CSMD3: variants seen among roughly 807,000 people sequenced by gnomAD.
The protein encoded by CSMD3 is CUB and sushi domain-containing protein 3.
CSMD3 carries 177 observed loss-of-function variants against 435.2 expected under a neutral mutation model. That is an observed-to-expected ratio of 0.41 (90% CI 0.36 to 0.46). The LOEUF is 0.46. Ranked by LOEUF, CSMD3 falls within the 20% of genes least tolerant of loss-of-function variation. The probability of loss-of-function intolerance (pLI) is 0.34; values close to 1 mark genes in which losing one functional copy is unlikely to be tolerated. For missense variants in CSMD3, 4,265 were observed against 4,504.6 expected, an observed-to-expected ratio of 0.95 and a Z score of 1.52; for synonymous variants, 1,656 against 1,520.5, an observed-to-expected ratio of 1.09 and a Z score of -2.07.
chr8:112,238,707 T>G (rs1281956014), intron 66 of CSMD3, among the ~76,000 whole-genome samples: 1 of 151,742 alleles, frequency 6.6e-6, no homozygotes, highest in Admixed American at 6.6e-5. Flanking sequence ...AAATTATAAA[T>G]TTTTAAATTT....
intron 9 of CSMD3, among the ~76,000 whole-genome samples, chr8:112,935,326 T>A (rs1318835920): frequency 1.3e-5 from 2 of 152,166 alleles, no homozygotes; most frequent in African/African-American, 4.8e-5. Flanking sequence ...AGTCAGACTG[T>A]ATGATAGTTC....
intron 2 of CSMD3, among the ~76,000 whole-genome samples, chr8:113,291,852 A>G (rs769739359): frequency 6.6e-6 from 1 of 151,966 alleles, no homozygotes; most frequent in Non-Finnish European, 1.5e-5. Flanking sequence ...ACAAATGTCA[A>G]TGAGTATTTT....
chr8:112,630,097 T>G (rs2074472302), intron 22 of CSMD3, among the ~76,000 whole-genome samples: 1 of 152,230 alleles, frequency 6.6e-6, no homozygotes, highest in African/African-American at 2.4e-5. Context: ...AGGTGAGAAC[T>G]CAGCCCTGGT....
intron 3 of CSMD3, among the ~76,000 whole-genome samples, chr8:113,230,222 T>G (rs959660695): frequency 2.0e-5 from 3 of 151,720 alleles, no homozygotes; most frequent in Admixed American, 6.6e-5. Flanking sequence ...AATTGCCTTA[T>G]GCAGGTGCTG....
intron 28 of CSMD3, among the ~76,000 whole-genome samples, chr8:112,508,764 G>T (rs1413106984): frequency 1.3e-5 from 2 of 152,044 alleles, no homozygotes; most frequent in Non-Finnish European, 2.9e-5. Flanking sequence ...AATCCTGTCT[G>T]AATCAAAGTC....
chr8:112,934,092 G>T (rs572570480), intron 9 of CSMD3, among the ~76,000 whole-genome samples: 55 of 152,194 alleles, frequency 3.6e-4, no homozygotes, highest in African/African-American at 1.3e-3. Context: ...CTGAGTACAT[G>T]AGTGGAAGGA....
chr8:112,679,089 T>TG lies in CSMD3; in HGVS notation c.2677+3352_2677+3353insC, dbSNP rs199551142. On this transcript the variant is annotated intron_variant, in intron 16 of 70. Coordinates refer to ENST00000297405, the MANE Select transcript of CSMD3 (RefSeq NM_198123.2). ...AATGGTGGGGGGATGGGGCAGGTTTTTTTTTTTTTTTTTTTAAATTAGGAA... is the reference window on the plus strand; with the variant it reads ...AATGGTGGGGGGATGGGGCAGGTTTTGTTTTTTTTTTTTTTTAAATTAGGAA... Among the ~76,000 whole-genome samples, 656 of 70,170 alleles carry TG rather than the reference T, an allele frequency of 9.3e-3. 3 individuals are homozygous for TG. Among genetic ancestry groups the TG allele is most frequent in the African/African-American group, 0.047 (535 of 11,470 alleles). 46.0% of individuals were successfully genotyped at this position (70,170 alleles called of 152,430 possible).
In CSMD3 at chr8:112,468,232, GT is replaced by G. The variant is rs1450019616; in HGVS notation, c.5395+4358del. Among the ~76,000 whole-genome samples the G allele has an allele frequency of 1.0e-4, 12 of 114,882 alleles. No homozygotes were observed. In the Admixed American group the frequency reaches 1.1e-3, roughly 10 times the overall value. The allele number at this position is 114,882 out of a possible 152,430, so 75.4% of individuals were successfully genotyped here. A position where few individuals can be genotyped will look rare whatever the true frequency, so the allele number is the denominator to read the frequency against. On this transcript the variant is annotated intron_variant, in intron 32 of 70. Transcript: ENST00000297405. The stretch of plus-strand genomic sequence containing the variant: ...ATTTCATCTCCTCCAATTGCCTAAA[GT>G]ATTTTTTTTTTTTTTTTTTTTTTAC...
At chr8:112,612,706 G>GTT (rs1833355512) in intron 22 of CSMD3, among the ~76,000 whole-genome samples, 2 of 61,624 alleles carry the variant, frequency 3.2e-5, no homozygotes, top group Admixed American at 2.0e-4. Flanking sequence ...TTCTTTCTTT[G>GTT]TTCTTTTTTT....
At chr8:113,064,042 GCC>G (rs1443079954) in intron 5 of CSMD3, among the ~76,000 whole-genome samples, 4 of 150,806 alleles carry the variant, frequency 2.7e-5, no homozygotes, top group African/African-American at 4.9e-5. Flanking sequence ...TAAAGGACTC[GCC>G]TAAAATTCAT....
At chr8:112,781,863 G>A (rs571908409) in intron 13 of CSMD3, among the ~76,000 whole-genome samples, 29 of 152,272 alleles carry the variant, frequency 1.9e-4, no homozygotes, top group Non-Finnish European at 3.1e-4. Flanking sequence ...GATTTATAGC[G>A]TTACTGGGCT....
chr8:113,011,239 C>T (rs1157855534), intron 6 of CSMD3, among the ~76,000 whole-genome samples: 1 of 151,676 alleles, frequency 6.6e-6, no homozygotes, highest in Non-Finnish European at 1.5e-5. Context: ...AACTGTACCC[C>T]AATTCTAAAC....
Position 112,222,932 on chromosome 8 carries a change from A to T in CSMD3, c.*1839T>A, listed in dbSNP as rs1812284857. 1 of 393,490 alleles carries T rather than the reference A, an allele frequency of 2.5e-6. No individual in the cohort carries two copies. The highest frequency in any genetic ancestry group is 4.4e-5 in the Admixed American group (1 of 22,556). The allele number at this position is 393,490 out of a possible 1,614,324, so 24.4% of individuals were successfully genotyped here. ...ATTTTTGGAAAAAAAAACACATTTT[A>T]CAAAAGCAATTATCCATTTTTATTT... is the stretch of plus-strand genomic sequence containing the variant. On this transcript the variant is annotated 3_prime_UTR_variant, in exon 71 of 71. Transcript: ENST00000297405.
At chr8:113,156,110 G>A (rs1436023397) in intron 4 of CSMD3, among the ~76,000 whole-genome samples, 1 of 151,934 alleles carries the variant, frequency 6.6e-6, no homozygotes, top group Non-Finnish European at 1.5e-5. Flanking sequence ...AAGCTGTGCT[G>A]CCTAAATATG....
At chr8:112,499,986 G>A (rs1821780422) in intron 30 of CSMD3, among the ~76,000 whole-genome samples, 1 of 152,102 alleles carries the variant, frequency 6.6e-6, no homozygotes. Context: ...GCTCATGCCT[G>A]TAATCCCAAC....
At chr8:112,859,024 A>G (rs1196823562) in intron 11 of CSMD3, 121 bp downstream of exon 11, 3 of 849,012 alleles carry the variant, frequency 3.5e-6, no homozygotes, top group African/African-American at 1.7e-5. Context: ...TAAGTAGGGA[A>G]TATTGCGCCA....
At chr8:112,629,864 A>G (rs2074465417) in intron 22 of CSMD3, among the ~76,000 whole-genome samples, 1 of 151,636 alleles carries the variant, frequency 6.6e-6, no homozygotes, top group African/African-American at 2.4e-5. Context: ...TCTCCTCATC[A>G]CTCCCTGTAT....
intron 3 of CSMD3, among the ~76,000 whole-genome samples, chr8:113,275,622 ATAG>A (rs1316453382): frequency 6.6e-6 from 1 of 152,072 alleles, no homozygotes; most frequent in East Asian, 1.9e-4. Context: ...TTTTTTAAAA[ATAG>A]TAAATGATTA....
chr8:112,794,244 C>G (rs567019078), intron 13 of CSMD3, among the ~76,000 whole-genome samples: 1 of 151,254 alleles, frequency 6.6e-6, no homozygotes, highest in East Asian at 1.9e-4. Flanking sequence ...TTTCTTTTAC[C>G]CAGAAACTAT....
Sources: allele counts gnomAD v4.1 joint callset (sites outside exome capture counted in the v4.1 genomes callset), GRCh38; gene constraint gnomAD v4.1.1; transcripts MANE v1.5; gene names NCBI Gene and HGNC (gene_info 2026-07-23, HGNC 2026-07-21).